Variants in PCDHGA3 observed in about 807,000 individuals in gnomAD.
PCDHGA3 encodes protocadherin gamma subfamily A, 3.
Under a neutral mutation model 58.5 loss-of-function variants are expected in PCDHGA3, and 40 were observed. The observed-to-expected ratio is 0.68, with a 90% confidence interval of 0.53 to 0.89. The LOEUF is 0.89. PCDHGA3 is among the 40% of genes least tolerant of loss of function. The pLI is 0.00. For missense variants in PCDHGA3, 1,223 were observed against 1,195.9 expected (o/e 1.02, Z -0.33); for synonymous variants, 530 against 525.7 (o/e 1.01, Z -0.11).
intron 1 of PCDHGA3, among the ~76,000 whole-genome samples, chr5:141,425,497 CT>C (rs2096879671): frequency 6.6e-6 from 1 of 152,164 alleles, no homozygotes; most frequent in African/African-American, 2.4e-5. Context: ...TAGGCTATAC[CT>C]TTATATTCTC....
At chr5:141,356,983 G>A (rs1401972827) in intron 1 of PCDHGA3, 2 of 1,614,118 alleles carry the variant, frequency 1.2e-6, no homozygotes, top group Non-Finnish European at 1.7e-6. Context: ...GGTGGCAGTG[G>A]ACAGAGACTC....
In PCDHGA3 at chr5:141,343,950, A is replaced by T; in HGVS notation, c.-84A>T. The T allele has an allele frequency of 7.7e-7, 1 of 1,294,872 alleles. No homozygotes were observed. Among genetic ancestry groups the T allele is most frequent in the Non-Finnish European group, 1.1e-6 (1 of 949,544 alleles). The allele number at this position is 1,294,872 out of a possible 1,614,324, so 80.2% of individuals were successfully genotyped here. On this transcript the variant is annotated 5_prime_UTR_variant, in exon 1 of 4. Transcript: ENST00000253812. ...GACCTGTGAATTAGGCCCGTAAAAG[A>T]CTTCGTTTCTTGAGAAAATAAGATT...
chr5:141,361,668 C>T (rs923388451), intron 1 of PCDHGA3: 10 of 1,613,670 alleles, frequency 6.2e-6, no homozygotes, highest in Non-Finnish European at 8.5e-6. Context: ...GCGCGCAGAG[C>T]GGGGTGGTGT....
Position 141,374,036 on chromosome 5 carries a change from T to A in PCDHGA3, c.2424+27579T>A, listed in dbSNP as rs1197277740. On this transcript the variant is annotated intron_variant, in intron 1 of 3. Coordinates refer to ENST00000253812, the MANE Select transcript of PCDHGA3 (RefSeq NM_018916.4). The stretch of plus-strand genomic sequence containing the variant: ...CTGAGAAGAGCAAAAGTGATGCAGA[T>A]CTGTTCTTCCTCTTCTTAATCCCAG... 3.5e-6 allele frequency: 5 copies of A among 1,445,796 alleles called. No individual in the cohort carries two copies. In the Admixed American group the frequency reaches 1.1e-4, roughly 32 times the overall value. 89.6% of individuals were successfully genotyped at this position (1,445,796 alleles called of 1,614,324 possible). A position where few individuals can be genotyped will look rare whatever the true frequency, so the allele number is the denominator to read the frequency against.
At chr5:141,429,875 A>G (rs959789833) in intron 1 of PCDHGA3, among the ~76,000 whole-genome samples, 3 of 152,322 alleles carry the variant, frequency 2.0e-5, no homozygotes, top group Middle Eastern at 6.8e-3. Context: ...ATTTTCTTTT[A>G]CTAAGTTTCC....
intron 1 of PCDHGA3, chr5:141,492,073 G>C (rs2099736846): frequency 6.2e-6 from 3 of 480,898 alleles, no homozygotes; most frequent in Non-Finnish European, 1.1e-5. Flanking sequence ...CCTAGGCGCC[G>C]GCTCCGGCAC....
rs775563489 is a variant in PCDHGA3, at chr5:141,346,328, G to A, written c.2295G>A (p.Lys765=). Residue 765 remains lysine (K), a synonymous_variant, in exon 1 of 4, where the codon AAG becomes AAA. Transcript: ENST00000253812. The part of the protein sequence containing the change: ...HEVSLTADSR[K]SHLIFPQPNY... ...TCTCCCTCACTGCGGACTCGCGGAA[G>A]AGCCACCTGATTTTCCCCCAGCCCA... 5 of 1,614,234 alleles carry A rather than the reference G, an allele frequency of 3.1e-6. No individual in the cohort carries two copies. Among genetic ancestry groups the A allele is most frequent in the Non-Finnish European group, 3.4e-6 (4 of 1,180,048 alleles).
intron 1 of PCDHGA3, chr5:141,365,994 A>G: frequency 6.2e-7 from 1 of 1,614,260 alleles, no homozygotes; most frequent in Non-Finnish European, 8.5e-7. Flanking sequence ...GTGCTGGACC[A>G]GAACGACAAT....
chr5:141,421,933 G>A (rs1310432014), intron 1 of PCDHGA3: 1 of 1,613,446 alleles, frequency 6.2e-7, no homozygotes, highest in Non-Finnish European at 8.5e-7. Flanking sequence ...GGTCCTCGAT[G>A]TAAATGATCA....
At chr5:141,388,363 C>T (rs778705302) in intron 1 of PCDHGA3, 6 of 1,613,854 alleles carry the variant, frequency 3.7e-6, no homozygotes, top group South Asian at 3.3e-5. Flanking sequence ...GCCCATGATG[C>T]GGATATTGGT....
chr5:141,407,123 C>T (rs1271155338), intron 1 of PCDHGA3, among the ~76,000 whole-genome samples: 2 of 152,078 alleles, frequency 1.3e-5, no homozygotes, highest in East Asian at 3.8e-4. Context: ...GTTTCAGTTG[C>T]TTTATTTTTA....
chr5:141,423,213 C>A, intron 1 of PCDHGA3: 1 of 1,613,710 alleles, frequency 6.2e-7, no homozygotes, highest in Non-Finnish European at 8.5e-7. Flanking sequence ...TCACGCTCAC[C>A]GTGGCTGTGG....
At position 141,501,332 on chromosome 5, in the gene PCDHGA3, CA is replaced by C. The variant is rs1257793029; in HGVS notation, c.2484-4060del. 1.8e-3 allele frequency among the ~76,000 whole-genome samples: 265 copies of C among 149,784 alleles called. 1 individual carries two copies. The highest frequency in any genetic ancestry group is 5.2e-3 in the African/African-American group (209 of 40,512). On this transcript the variant is annotated intron_variant, in intron 2 of 3. Transcript: ENST00000253812. Reference sequence around the variant, plus strand: ...ACACACACACACACACACACACACACACCCCAAACTCAATAGGGCAAGAACC... The same window carrying C: ...ACACACACACACACACACACACACACCCCCAAACTCAATAGGGCAAGAACC...
intron 1 of PCDHGA3, chr5:141,428,078 C>A (rs747287202): frequency 1.2e-6 from 2 of 1,609,216 alleles, no homozygotes; most frequent in Admixed American, 3.3e-5. Flanking sequence ...ATTCGGGACA[C>A]AACGCTTGGC....
chr5:141,451,284 G>A (rs950768919), intron 1 of PCDHGA3, among the ~76,000 whole-genome samples: 1 of 152,186 alleles, frequency 6.6e-6, no homozygotes. Context: ...GAGTGCCTCT[G>A]CCTCAAAGTC....
At position 141,486,653 on chromosome 5, in the gene PCDHGA3, C is replaced by A; in HGVS notation, c.2425-8154C>A. 1 of 1,613,968 alleles carries A rather than the reference C, an allele frequency of 6.2e-7. No homozygotes were observed. Among genetic ancestry groups the A allele is most frequent in the Non-Finnish European group, 8.5e-7 (1 of 1,180,034 alleles). On this transcript the variant is annotated intron_variant, in intron 1 of 3. Coordinates refer to ENST00000253812, the MANE Select transcript of PCDHGA3 (RefSeq NM_018916.4). This position sits in a 1 kb window ranked among gnomAD's most constrained non-coding sequence, Gnocchi z 5.0. ...CTTGAATGCGCTTATCTCCTACTCA[C>A]TCCTGGAGCCCAGGAATCGAGATGT... is the stretch of plus-strand genomic sequence containing the variant.
rs143638501 is a variant in PCDHGA3, at chr5:141,486,817, T to C, written c.2425-7990T>C. On this transcript the variant is annotated intron_variant, in intron 1 of 3. Coordinates refer to ENST00000253812, the MANE Select transcript of PCDHGA3 (RefSeq NM_018916.4). This position sits in a 1 kb window ranked among gnomAD's most constrained non-coding sequence, Gnocchi z 5.0. ...GGGGCAACCCACCCCTTAGCAGCACTGTAACAGTTCGTCTATTTGTGCTGG... is the reference window on the plus strand; with the variant it reads ...GGGGCAACCCACCCCTTAGCAGCACCGTAACAGTTCGTCTATTTGTGCTGG... 153 of 1,614,220 alleles carry C rather than the reference T, an allele frequency of 9.5e-5. 1 individual carries two copies. In the African/African-American group the frequency reaches 1.4e-3, roughly 15 times the overall value.
chr5:141,371,309 A>T (rs1046676611), intron 1 of PCDHGA3: 4 of 1,613,894 alleles, frequency 2.5e-6, no homozygotes, highest in African/African-American at 1.3e-5. Flanking sequence ...CCACTATTGG[A>T]GAACTGGACT....
Position 141,491,910 on chromosome 5 carries a change from G to A in PCDHGA3, c.2425-2897G>A, listed in dbSNP as rs946745903. 1.4e-5 allele frequency: 19 copies of A among 1,406,944 alleles called. No individual in the cohort carries two copies. The South Asian group carries it at 2.6e-4, about 19-fold the overall frequency. 87.2% of individuals were successfully genotyped at this position (1,406,944 alleles called of 1,614,324 possible). On this transcript the variant is annotated intron_variant, in intron 1 of 3. Transcript: ENST00000253812. This position sits in a 1 kb window ranked among gnomAD's most constrained non-coding sequence, Gnocchi z 6.9. ...GGCTCCGAGCACCGGGGGTGGTGGCGACTGTGGGCGAGGGGAGGTGGGACC... is the reference window on the plus strand; with the variant it reads ...GGCTCCGAGCACCGGGGGTGGTGGCAACTGTGGGCGAGGGGAGGTGGGACC...
Sources: gnomAD v4.1 joint callset for allele counts (sites outside exome capture counted in the v4.1 genomes callset) on GRCh38, gnomAD v4.1.1 for gene constraint, Gnocchi (gnomAD v3.1) non-coding constraint, MANE v1.5 for transcripts, NCBI Gene and HGNC (gene_info 2026-07-23, HGNC 2026-07-21) for gene names.